PCDHA9: variants seen among roughly 807,000 people sequenced by gnomAD.
The protein encoded by PCDHA9 is protocadherin alpha-9.
In PCDHA9, 62 loss-of-function variants were observed where a neutral mutation model predicts 62.0. That is an observed-to-expected ratio of 1.00 (90% CI 0.81 to 1.23). PCDHA9 has a LOEUF of 1.23. Among genes scored for constraint, PCDHA9 ranks in the 50% most tolerant of loss-of-function variants. The pLI, the probability that PCDHA9 is intolerant of heterozygous loss-of-function variation, is 0.00. For synonymous variants in PCDHA9, 557 were observed against 567.6 expected, an observed-to-expected ratio of 0.98 and a Z score of 0.27; for missense variants, 1,205 against 1,249.8, an observed-to-expected ratio of 0.96 and a Z score of 0.54.
At chr5:140,977,862 A>G (rs142967836) in intron 1 of PCDHA9, among the ~76,000 whole-genome samples, 3 of 152,372 alleles carry the variant, frequency 2.0e-5, no homozygotes, top group African/African-American at 7.2e-5. Context: ...TCTACCAAAT[A>G]TGGTAAGTAT....
chr5:140,861,488 T>C lies in PCDHA9; in HGVS notation c.2394+10599T>C, dbSNP rs182152713. 8.2e-6 allele frequency: 4 copies of C among 489,384 alleles called. No individual in the cohort carries two copies. In the East Asian group the frequency reaches 1.8e-4, roughly 21 times the overall value. The allele number at this position is 489,384 out of a possible 1,614,324, so 30.3% of individuals were successfully genotyped here. A position where few individuals can be genotyped will look rare whatever the true frequency, so the allele number is the denominator to read the frequency against. On this transcript the variant is annotated intron_variant, in intron 1 of 3. Transcript: ENST00000532602. ...ATCTGCAGAATGGCATTTTTGTGAGTTCTCTGATAGACCTCGAGGAGCTGT... is the reference window on the plus strand; with the variant it reads ...ATCTGCAGAATGGCATTTTTGTGAGCTCTCTGATAGACCTCGAGGAGCTGT...
chr5:140,853,613 A>G, intron 1 of PCDHA9: 1 of 988,108 alleles, frequency 1.0e-6, no homozygotes, highest in Non-Finnish European at 1.2e-6. Context: ...GGGGTGCTGT[A>G]AATAAGTATA....
intron 1 of PCDHA9, among the ~76,000 whole-genome samples, chr5:140,959,768 A>G (rs1554224322): frequency 6.6e-6 from 1 of 152,240 alleles, no homozygotes; most frequent in African/African-American, 2.4e-5. Flanking sequence ...ATATTCAGTA[A>G]GAACAGTGTA....
rs551685820 is a variant in PCDHA9, at chr5:140,967,997, C to G, written c.2395-10952C>G. On this transcript the variant is annotated intron_variant, in intron 1 of 3. Transcript: ENST00000532602. ...GGGTCTGGAGGCCACACTGCCTTTC[C>G]GACTGAATGGCTTTGGAAACTCCTA... is the stretch of plus-strand genomic sequence containing the variant. The G allele has an allele frequency of 4.3e-6, 7 of 1,614,220 alleles. No individual in the cohort carries two copies. In the African/African-American group the frequency reaches 6.7e-5, roughly 15 times the overall value.
At chr5:140,944,865 T>G (rs1227128611) in intron 1 of PCDHA9, among the ~76,000 whole-genome samples, 3 of 152,166 alleles carry the variant, frequency 2.0e-5, no homozygotes, top group Non-Finnish European at 4.4e-5. Flanking sequence ...TTATTTATCT[T>G]AACCACCTAC....
At chr5:140,913,414 C>T (rs1451385869) in intron 1 of PCDHA9, among the ~76,000 whole-genome samples, 3 of 152,102 alleles carry the variant, frequency 2.0e-5, no homozygotes, top group African/African-American at 7.2e-5. Context: ...TGAATTCCTG[C>T]AGTATCAGTT....
chr5:140,965,539 T>C (rs1554227755), intron 1 of PCDHA9, among the ~76,000 whole-genome samples: 1 of 152,034 alleles, frequency 6.6e-6, no homozygotes, highest in East Asian at 1.9e-4. Context: ...GGAATCCAAA[T>C]TCCAGCCTGG....
rs542536806 is a variant in PCDHA9, at chr5:140,896,054, G to T, written c.2394+45165G>T. Among the ~76,000 whole-genome samples the T allele has an allele frequency of 4.6e-5, 7 of 151,966 alleles. 1 individual carries two copies. In the East Asian group the frequency reaches 1.4e-3, roughly 30 times the overall value. On this transcript the variant is annotated intron_variant, in intron 1 of 3. Transcript: ENST00000532602. ...TCGAACTCCTGACCTCAGGTGATCC[G>T]CCTGCCTCGGCCTCCCAACATGCTG...
chr5:140,890,776 A>T (rs1554184541), intron 1 of PCDHA9, among the ~76,000 whole-genome samples: 2 of 152,198 alleles, frequency 1.3e-5, no homozygotes, highest in Non-Finnish European at 2.9e-5. Context: ...TTAAAACCCC[A>T]TAAGATATTA....
intron 1 of PCDHA9, among the ~76,000 whole-genome samples, chr5:140,965,939 C>A (rs1554227944): frequency 6.6e-6 from 1 of 152,188 alleles, no homozygotes; most frequent in Admixed American, 6.5e-5. Flanking sequence ...GGAAAGAGGG[C>A]AGCATTTGCC....
At chr5:140,927,701 A>G (rs2084527211) in intron 1 of PCDHA9, 1 of 1,614,052 alleles carries the variant, frequency 6.2e-7, no homozygotes, top group South Asian at 1.1e-5. Context: ...GAAGTCCAGT[A>G]CTCCCTAAGC....
intron 1 of PCDHA9, chr5:140,856,072 G>A: frequency 6.3e-7 from 1 of 1,592,122 alleles, no homozygotes; most frequent in Non-Finnish European, 8.6e-7. Flanking sequence ...GTAGCTGCCT[G>A]GGGGTCCAGT....
chr5:140,872,919 A>G (rs1554166439), intron 1 of PCDHA9, among the ~76,000 whole-genome samples: 1 of 152,176 alleles, frequency 6.6e-6, no homozygotes, highest in Non-Finnish European at 1.5e-5. Flanking sequence ...GTAATGCCTT[A>G]TCTCTAATGT....
rs140457638 is a variant in PCDHA9, at chr5:140,883,730, G to T, written c.2394+32841G>T. On this transcript the variant is annotated intron_variant, in intron 1 of 3. Coordinates refer to ENST00000532602, the MANE Select transcript of PCDHA9 (RefSeq NM_031857.2). ...TCAGGACGCGGACGCACAGGAGAAC[G>T]CGCTGGTCTCCTACTCGCTGGTGGA... 4.3e-6 allele frequency: 7 copies of T among 1,613,530 alleles called. No homozygotes were observed. The East Asian group carries it at 1.6e-4, about 36-fold the overall frequency.
chr5:140,940,437 C>T (rs1212783028), intron 1 of PCDHA9, among the ~76,000 whole-genome samples: 1 of 151,730 alleles, frequency 6.6e-6, no homozygotes, highest in Non-Finnish European at 1.5e-5. Context: ...TCAAGTCTGC[C>T]ATGATATTTT....
intron 1 of PCDHA9, chr5:140,862,692 G>A (rs1354476181): frequency 3.2e-5 from 18 of 555,384 alleles, no homozygotes; most frequent in Admixed American, 5.8e-5. Flanking sequence ...TGTCCTACTC[G>A]TTGATGGAAC....
chr5:141,006,921 A>G (rs1229765479), intron 3 of PCDHA9, among the ~76,000 whole-genome samples: 1 of 152,176 alleles, frequency 6.6e-6, no homozygotes, highest in Non-Finnish European at 1.5e-5. Context: ...TGCCCATGAG[A>G]TTTCCAACTG....
Position 141,010,268 on chromosome 5 carries a change from A to T in PCDHA9, c.*331A>T. 1 of 1,551,622 alleles carries T rather than the reference A, an allele frequency of 6.4e-7. No homozygotes were observed. Among genetic ancestry groups the T allele is most frequent in the Non-Finnish European group, 8.7e-7 (1 of 1,146,964 alleles). On this transcript the variant is annotated 3_prime_UTR_variant, in exon 4 of 4. Coordinates refer to ENST00000532602, the MANE Select transcript of PCDHA9 (RefSeq NM_031857.2). ...GGACTCTCTGCCCTGTGCTCCGGGG[A>T]TCCTGTCTTGATGACACTTGCAGGG...
chr5:140,875,305 C>T, intron 1 of PCDHA9: 1 of 1,420,254 alleles, frequency 7.0e-7, no homozygotes, highest in South Asian at 1.6e-5. Context: ...TTTCTCCGCA[C>T]CCACATTCCA....
Sources: allele counts gnomAD v4.1 joint callset (sites outside exome capture counted in the v4.1 genomes callset), GRCh38; gene constraint gnomAD v4.1.1; transcripts MANE v1.5; gene names NCBI Gene and HGNC (gene_info 2026-07-23, HGNC 2026-07-21).